The following KIF1A variants were observed in gnomAD, a reference collection of about 807,000 sequenced individuals.
KIF1A encodes the protein kinesin family member 1A, also known as kinesin-like protein KIF1A.
A neutral mutation model predicts 227.3 loss-of-function variants in KIF1A; 46 were observed. That is an observed-to-expected ratio of 0.20 (90% confidence interval 0.16 to 0.26). KIF1A has a LOEUF of 0.26. Among genes scored for constraint, KIF1A ranks in the 10% least tolerant of loss-of-function variants. The pLI, the probability that KIF1A is intolerant of heterozygous loss-of-function variation, is 1.00. For synonymous variants in KIF1A, 1,022 were observed against 1,012.8 expected (o/e 1.01, Z -0.17); for missense variants, 1,683 against 2,485.9 (o/e 0.68, Z 6.87).
At chr2:240,768,698 G>A (rs2051525530) in intron 17 of KIF1A, among the ~76,000 whole-genome samples, 1 of 152,164 alleles carries the variant, frequency 6.6e-6, no homozygotes, top group African/African-American at 2.4e-5. Flanking sequence ...GCCTGGCCTG[G>A]TGGGAAAAGA....
At chr2:240,729,874 A>G (rs1315765730) in intron 38 of KIF1A, among the ~76,000 whole-genome samples, 1 of 152,236 alleles carries the variant, frequency 6.6e-6, no homozygotes, top group Non-Finnish European at 1.5e-5. Flanking sequence ...CCAGGTGCCA[A>G]GATGGCTAGC....
intron 1 of KIF1A, among the ~76,000 whole-genome samples, chr2:240,813,780 C>A (rs1290808788): frequency 6.6e-6 from 1 of 152,148 alleles, no homozygotes; most frequent in Non-Finnish European, 1.5e-5. Context: ...CTAATGCCTT[C>A]CTCGGGCGTG....
intron 10 of KIF1A, among the ~76,000 whole-genome samples, 185 bp downstream of exon 10, chr2:240,782,405 C>G (rs575075945): frequency 6.6e-6 from 1 of 152,210 alleles, no homozygotes; most frequent in Non-Finnish European, 1.5e-5. Flanking sequence ...CCTCCGTCCC[C>G]GCAGGCACAG....
At position 240,763,192 on chromosome 2, in the gene KIF1A, G is replaced by T; in HGVS notation, c.1923C>A (p.Ile641=). 1 of 1,612,016 alleles carries T rather than the reference G, an allele frequency of 6.2e-7. No individual in the cohort carries two copies. The highest frequency in any genetic ancestry group is 8.5e-7 in the Non-Finnish European group (1 of 1,179,778). The change falls in exon 21 of 49, where the codon ATC becomes ATA. Residue 641 remains isoleucine (I), a synonymous_variant. Transcript: ENST00000498729. ...TCTGCTCCATCTCCTGCTTCATGTC[G>T]ATGCCCTGCTTCTCCAGCAGCTCAC... ...AQRELLEKQG[I]DMKQEMEQRL...
At chr2:240,804,828 G>A (rs565160181) in intron 1 of KIF1A, among the ~76,000 whole-genome samples, 7 of 152,112 alleles carry the variant, frequency 4.6e-5, no homozygotes, top group African/African-American at 1.7e-4. Flanking sequence ...CAGGAGTTAG[G>A]CCCCAAAGCA....
chr2:240,782,284 G>T (rs1283381251), intron 10 of KIF1A: 2 of 824,880 alleles, frequency 2.4e-6, no homozygotes, highest in Admixed American at 6.2e-5. Flanking sequence ...GCTCCTCCGC[G>T]CCCCTTTCAG....
chr2:240,750,458 A>T lies in KIF1A; in HGVS notation c.2948T>A (p.Phe983Tyr), dbSNP rs767683139. 1.5e-5 allele frequency: 24 copies of T among 1,613,826 alleles called. No homozygotes were observed. Among genetic ancestry groups the T allele is most frequent in the Non-Finnish European group, 2.0e-5 (24 of 1,179,776 alleles). The change falls in exon 28 of 49, where the codon TTC becomes TAC. Residue 983 changes from phenylalanine to tyrosine, a missense_variant. By Grantham distance (22) the Phe-to-Tyr change is conservative. Around this residue, in one of 12 missense-constraint regions of KIF1A, gnomAD observed 759 missense variants for 1,020.2 expected, o/e 0.74. Coordinates refer to ENST00000498729, the MANE Select transcript of KIF1A (RefSeq NM_001244008.2). ...GATGGCCTGGACGGCCACGCGGAGG[A>T]AGCCCTTCACCTCGCCCTTCTCGCT... The part of the protein sequence containing the change: ...IVSEKGEVKG[F>Y]LRVAVQAISA...
At position 240,745,401 on chromosome 2, in the gene KIF1A, A is replaced by T. The variant is rs763503975; in HGVS notation, c.3465+26T>A. The T allele has an allele frequency of 3.2e-6, 5 of 1,553,354 alleles. No individual in the cohort carries two copies. The Admixed American group carries it at 8.4e-5, about 26-fold the overall frequency. On this transcript the variant is annotated intron_variant, in intron 32 of 48. Transcript: ENST00000498729. ...CTGGGAGGGTCAGTCAGTGGCAGGGATGGGGAGAAGTGCCCAGGAACGTAC... is the reference window on the plus strand; with the variant it reads ...CTGGGAGGGTCAGTCAGTGGCAGGGTTGGGGAGAAGTGCCCAGGAACGTAC...
intron 5 of KIF1A, among the ~76,000 whole-genome samples, chr2:240,786,833 G>C (rs1864874): frequency 0.24 from 23,193 of 97,518 alleles, 4,796 homozygotes; most frequent in African/African-American, 0.41. Context: ...AGAGGGTGGG[G>C]GCTGCCTGCT....
intron 1 of KIF1A, among the ~76,000 whole-genome samples, chr2:240,819,673 C>G (rs988200665): frequency 1.3e-5 from 2 of 152,054 alleles, no homozygotes; most frequent in Non-Finnish European, 2.9e-5. Context: ...GTCCTCAGCC[C>G]CGCTCACCAT....
chr2:240,816,728 C>G (rs1198962857), intron 1 of KIF1A, among the ~76,000 whole-genome samples: 1 of 152,224 alleles, frequency 6.6e-6, no homozygotes, highest in Non-Finnish European at 1.5e-5. Flanking sequence ...GCCTCTGAGT[C>G]CCACATCCAA....
At position 240,722,636 on chromosome 2, in the gene KIF1A, G is replaced by C; in HGVS notation, c.4485C>G (p.Tyr1495Ter). Residue 1495 changes from tyrosine (Y) to a stop codon, truncating the protein, a stop_gained, in exon 43 of 49, where the codon TAC becomes TAG. Transcript: ENST00000498729. LOFTEE classifies it high-confidence loss of function. ...TCTCCAGCTTCTCCCGCAGGAGCAG[G>C]TAGTGCCTAGTCTTCTCCACCTTCA... ...LLQEVEKTRH[Y>*]LLLREKLETA... The C allele has an allele frequency of 6.4e-7, 1 of 1,552,040 alleles. No individual in the cohort carries two copies. Among genetic ancestry groups the C allele is most frequent in the Non-Finnish European group, 8.7e-7 (1 of 1,147,402 alleles).
intron 27 of KIF1A, among the ~76,000 whole-genome samples, chr2:240,754,914 G>A (rs1194672146): frequency 1.3e-5 from 2 of 152,014 alleles, no homozygotes. Flanking sequence ...TGAAGCCCTC[G>A]AGCTGGAGCA....
chr2:240,742,135 G>GC (rs1348026881), intron 34 of KIF1A, among the ~76,000 whole-genome samples: 1 of 152,188 alleles, frequency 6.6e-6, no homozygotes, highest in Non-Finnish European at 1.5e-5. Context: ...AGTGTCCTCA[G>GC]CCCGCAAACC....
rs780331621 is a variant in KIF1A, at chr2:240,725,931, G to A, written c.4123-527C>T. ...ACTCGCTGGGAAGAGCTCTGCCAGC[G>A]CCTCCTCACGGCAACCTCACCACCA... On this transcript the variant is annotated intron_variant, in intron 39 of 48. Coordinates refer to ENST00000498729, the MANE Select transcript of KIF1A (RefSeq NM_001244008.2). The surrounding 1 kb of genome is among the most constrained non-coding windows in gnomAD (Gnocchi z 5.8). 25 of 152,766 alleles carry A rather than the reference G, an allele frequency of 1.6e-4. No individual in the cohort carries two copies. Among genetic ancestry groups the A allele is most frequent in the Non-Finnish European group, 1.8e-4 (12 of 68,336 alleles). The allele number at this position is 152,766 out of a possible 1,614,324, so 9.5% of individuals were successfully genotyped here.
chr2:240,750,674 G>T, intron 27 of KIF1A, 127 bp from the exon 28 acceptor site: 2 of 694,766 alleles, frequency 2.9e-6, no homozygotes, highest in Non-Finnish European at 5.0e-6. Flanking sequence ...CCGCCGGACA[G>T]GACAGCCAAG....
chr2:240,759,064 G>T (rs780475529), intron 25 of KIF1A, among the ~76,000 whole-genome samples: 14 of 152,126 alleles, frequency 9.2e-5, no homozygotes, highest in Non-Finnish European at 1.9e-4. Context: ...CGTAACCTGG[G>T]AGAACAGGGC....
intron 38 of KIF1A, among the ~76,000 whole-genome samples, chr2:240,735,892 A>C (rs1013562671): frequency 6.6e-6 from 1 of 151,504 alleles, no homozygotes; most frequent in African/African-American, 2.4e-5. Context: ...TATGGACATG[A>C]GTGCAGGGCA....
chr2:240,740,134 C>T lies in KIF1A; in HGVS notation c.3825G>A (p.Gln1275=), dbSNP rs2125743828. The T allele has an allele frequency of 6.3e-7, 1 of 1,589,966 alleles. No individual in the cohort carries two copies. The highest frequency in any genetic ancestry group is 8.6e-7 in the Non-Finnish European group (1 of 1,168,588). The change falls in exon 37 of 49, where the codon CAG becomes CAA. Residue 1275 remains glutamine (Q), a synonymous_variant. Transcript: ENST00000498729. This position sits in a 1 kb window ranked among gnomAD's most constrained non-coding sequence, Gnocchi z 6.1. ...MGTFLLHQGI[Q]RRITVTLLHE... ...GCAGTAGTGTCACCGTAATCCGTCG[C>T]TGGATGCCCTGCCGGTGCCAGGTGA...
Sources: allele counts gnomAD v4.1 joint callset (sites outside exome capture counted in the v4.1 genomes callset), GRCh38; gene constraint gnomAD v4.1.1; regional missense constraint gnomAD v4.1.1; non-coding constraint Gnocchi (gnomAD v3.1); transcripts MANE v1.5; gene names NCBI Gene and HGNC (gene_info 2026-07-23, HGNC 2026-07-21).